The following SMYD1 variants were observed in gnomAD, a reference collection of about 807,000 sequenced individuals.
SMYD1 encodes the protein histone-lysine N-methyltransferase SMYD1.
SMYD1 carries 49 observed loss-of-function variants against 54.0 expected under a neutral mutation model. That is an observed-to-expected ratio of 0.91 (90% CI 0.72 to 1.15). The LOEUF (loss-of-function observed/expected upper bound fraction) is 1.15. SMYD1 is among the 50% of genes most tolerant of loss of function. The probability of loss-of-function intolerance (pLI) is 0.00; values close to 1 mark genes in which losing one functional copy is unlikely to be tolerated. For synonymous variants in SMYD1, 269 were observed against 234.2 expected (o/e 1.15, Z -1.36); for missense variants, 653 against 639.6 (o/e 1.02, Z -0.23).
intron 9 of SMYD1, 36 bp downstream of exon 9, chr2:88,108,575 G>T (rs1187650013): frequency 2.0e-6 from 3 of 1,525,274 alleles, no homozygotes; most frequent in Non-Finnish European, 2.6e-6. Flanking sequence ...TCCCTTCCTG[G>T]CCTGAGCTTT....
intron 5 of SMYD1, among the ~76,000 whole-genome samples, chr2:88,094,752 C>T (rs1674540908): frequency 6.6e-6 from 1 of 152,122 alleles, no homozygotes; most frequent in Non-Finnish European, 1.5e-5. Context: ...AATTCCAGCC[C>T]AATTGGCCAC....
intron 4 of SMYD1, among the ~76,000 whole-genome samples, chr2:88,092,488 T>G (rs968674869): frequency 2.0e-5 from 3 of 152,184 alleles, no homozygotes; most frequent in Non-Finnish European, 1.5e-5. Flanking sequence ...CCCCAAAAAC[T>G]TCCTAGAAGC....
intron 1 of SMYD1, among the ~76,000 whole-genome samples, chr2:88,068,369 T>G (rs1303214198): frequency 2.0e-5 from 3 of 152,164 alleles, no homozygotes; most frequent in East Asian, 3.9e-4. Context: ...TATAAATACA[T>G]TACCAGATAA....
intron 2 of SMYD1, among the ~76,000 whole-genome samples, chr2:88,086,762 A>G (rs1674337364): frequency 6.6e-6 from 1 of 152,082 alleles, no homozygotes; most frequent in African/African-American, 2.4e-5. Context: ...TCAACTTTCT[A>G]TTAGTACCGA....
chr2:88,100,252 A>T (rs1176912555), intron 6 of SMYD1, among the ~76,000 whole-genome samples: 1 of 152,186 alleles, frequency 6.6e-6, no homozygotes, highest in Admixed American at 6.5e-5. Flanking sequence ...ATTAATTAAC[A>T]ACCTTTCTGC....
intron 1 of SMYD1, among the ~76,000 whole-genome samples, chr2:88,072,333 T>C (rs1198001443): frequency 6.6e-6 from 1 of 152,114 alleles, no homozygotes; most frequent in Non-Finnish European, 1.5e-5. Context: ...GTATTTTTAG[T>C]AGAGACAGGG....
chr2:88,088,248 G>A (rs1668936801), intron 3 of SMYD1, among the ~76,000 whole-genome samples, 173 bp downstream of exon 3: 5 of 152,202 alleles, frequency 3.3e-5, no homozygotes, highest in Admixed American at 2.6e-4. Context: ...GGCAGCCAGA[G>A]GCGCTGGAGA....
chr2:88,101,428 TG>T (rs761193256), intron 6 of SMYD1, among the ~76,000 whole-genome samples: 46 of 152,052 alleles, frequency 3.0e-4, no homozygotes, highest in African/African-American at 9.4e-4. Context: ...ATATACTGAG[TG>T]AAAAAATGCT....
intron 1 of SMYD1, among the ~76,000 whole-genome samples, chr2:88,074,402 TATAAGGACTTGCAATTAC>T (rs941239753): frequency 2.1e-4 from 32 of 152,206 alleles, no homozygotes; most frequent in Non-Finnish European, 2.4e-4. Flanking sequence ...TGCCTCCTCT[TATAAGGACTTGCAATTAC>T]ATTAGGCCCA....
chr2:88,099,574 T>G (rs1405632642), intron 6 of SMYD1, among the ~76,000 whole-genome samples: 2 of 151,884 alleles, frequency 1.3e-5, no homozygotes, highest in African/African-American at 4.8e-5. Flanking sequence ...AATACAAAAA[T>G]TAGCCGGGCA....
chr2:88,094,616 C>T (rs568913919), intron 5 of SMYD1, among the ~76,000 whole-genome samples: 83 of 152,290 alleles, frequency 5.5e-4, no homozygotes, highest in Non-Finnish European at 9.6e-4. Flanking sequence ...ATATATGCAT[C>T]TTTTCATATT....
chr2:88,110,423 C>T lies in SMYD1; in HGVS notation c.1384C>T (p.Arg462Cys), dbSNP rs774920260. 17 of 1,610,626 alleles carry T rather than the reference C, an allele frequency of 1.1e-5. No homozygotes were observed. Among genetic ancestry groups the T allele is most frequent in the Non-Finnish European group, 1.3e-5 (15 of 1,178,516 alleles). Residue 462 changes from arginine to cysteine, a missense_variant, in exon 10 of 10, where the codon CGC becomes TGC. Physicochemically the swap from Arg to Cys is radical, Grantham distance 180. Coordinates refer to ENST00000419482, the MANE Select transcript of SMYD1 (RefSeq NM_198274.4). ...RQNEFMYYKM[R>C]EAALNNQPMQ... ...GAACGAATTCATGTACTACAAGATG[C>T]GCGAGGCTGCCCTGAACAACCAGCC...
At chr2:88,077,459 G>A (rs1674093220) in intron 1 of SMYD1, among the ~76,000 whole-genome samples, 1 of 152,202 alleles carries the variant, frequency 6.6e-6, no homozygotes, top group African/African-American at 2.4e-5. Context: ...AGTCTAAAGG[G>A]TTGCTGTGAA....
In SMYD1 at chr2:88,112,015, G is replaced by A; in HGVS notation, c.*1503G>A. 1.4e-6 allele frequency: 1 copy of A among 702,228 alleles called. No individual in the cohort carries two copies. Among genetic ancestry groups the A allele is most frequent in the Non-Finnish European group, 2.6e-6 (1 of 384,446 alleles). 43.5% of individuals were successfully genotyped at this position (702,228 alleles called of 1,614,324 possible). A position where few individuals can be genotyped will look rare whatever the true frequency, so the allele number is the denominator to read the frequency against. ...GTGTCCCTCTGAGCACTACCCAGTG[G>A]CTGAAAACTCTGCAAATGGGCCACA... On this transcript the variant is annotated 3_prime_UTR_variant, in exon 10 of 10. Coordinates refer to ENST00000419482, the MANE Select transcript of SMYD1 (RefSeq NM_198274.4).
In SMYD1 at chr2:88,110,539, G is replaced by C; in HGVS notation, c.*27G>C. On this transcript the variant is annotated 3_prime_UTR_variant, in exon 10 of 10. Coordinates refer to ENST00000419482, the MANE Select transcript of SMYD1 (RefSeq NM_198274.4). ...GACTGCCCAGTGGAGGAGGGGCGATGTGGCTGGGGAGCTAGGGAGAGACTC... is the reference window on the plus strand; with the variant it reads ...GACTGCCCAGTGGAGGAGGGGCGATCTGGCTGGGGAGCTAGGGAGAGACTC... 6.5e-7 allele frequency: 1 copy of C among 1,533,506 alleles called. No homozygotes were observed. The highest frequency in any genetic ancestry group is 8.8e-7 in the Non-Finnish European group (1 of 1,134,400). 95.0% of individuals were successfully genotyped at this position (1,533,506 alleles called of 1,614,324 possible). A position where few individuals can be genotyped will look rare whatever the true frequency, so the allele number is the denominator to read the frequency against.
At position 88,110,645 on chromosome 2, in the gene SMYD1, C is replaced by T. The variant is rs1289125693; in HGVS notation, c.*133C>T. The T allele has an allele frequency of 6.7e-6, 8 of 1,201,790 alleles. No individual in the cohort carries two copies. The highest frequency in any genetic ancestry group is 9.0e-6 in the Non-Finnish European group (8 of 891,662). 74.4% of individuals were successfully genotyped at this position (1,201,790 alleles called of 1,614,324 possible). A position where few individuals can be genotyped will look rare whatever the true frequency, so the allele number is the denominator to read the frequency against. On this transcript the variant is annotated 3_prime_UTR_variant, in exon 10 of 10. Coordinates refer to ENST00000419482, the MANE Select transcript of SMYD1 (RefSeq NM_198274.4). ...ACATTGTTGCTGTGAGAATTTACTGCCCTATGTTTCCCAGAGCCATTTTGG... is the reference window on the plus strand; with the variant it reads ...ACATTGTTGCTGTGAGAATTTACTGTCCTATGTTTCCCAGAGCCATTTTGG...
At chr2:88,079,084 G>A (rs894202) in intron 1 of SMYD1, among the ~76,000 whole-genome samples, 53,054 of 152,138 alleles carry the variant, frequency 0.35, 11,206 homozygotes, top group East Asian at 0.73. Context: ...AAAAGTATTC[G>A]AAGTTTATTA....
At chr2:88,079,330 A>G (rs1674136130) in intron 1 of SMYD1, among the ~76,000 whole-genome samples, 1 of 152,240 alleles carries the variant, frequency 6.6e-6, no homozygotes, top group Non-Finnish European at 1.5e-5. Flanking sequence ...AATAGCAGAT[A>G]GATTATTCTA....
At position 88,106,488 on chromosome 2, in the gene SMYD1, T is replaced by G. The variant is rs755571853; in HGVS notation, c.1145T>G (p.Met382Arg). ...GCCAGGAGGATGGTGGACGGCTATA[T>G]GTAGGTGACGATTCTAGGTCTCAGA... ...FYARRMVDGYMKLYHPNNAQL... is the reference protein window; with the variant it reads ...FYARRMVDGYRKLYHPNNAQL... Residue 382 changes from methionine (M) to arginine (R), a missense_variant and splice_region_variant, in exon 8 of 10, where the codon ATG becomes AGG. By Grantham distance (91) the Met-to-Arg change is moderately conservative. Coordinates refer to ENST00000419482, the MANE Select transcript of SMYD1 (RefSeq NM_198274.4). 1.9e-6 allele frequency: 3 copies of G among 1,612,172 alleles called. No homozygotes were observed. In the South Asian group the frequency reaches 3.3e-5, roughly 18 times the overall value.
Sources: gnomAD v4.1 joint callset for allele counts (sites outside exome capture counted in the v4.1 genomes callset) on GRCh38, gnomAD v4.1.1 for gene constraint, MANE v1.5 for transcripts, NCBI Gene and HGNC (gene_info 2026-07-23, HGNC 2026-07-21) for gene names.